The following FSTL4 variants were observed in gnomAD, a reference collection of about 807,000 sequenced individuals.
The protein encoded by FSTL4 is follistatin like 4.
FSTL4 carries 28 observed loss-of-function variants against 78.2 expected under a neutral mutation model. That is an observed-to-expected ratio of 0.36 (90% CI 0.27 to 0.49). The LOEUF (loss-of-function observed/expected upper bound fraction) is 0.49. Among genes scored for constraint, FSTL4 ranks in the 20% least tolerant of loss-of-function variants. The pLI is 0.98. For missense variants in FSTL4, 922 were observed against 1,084.9 expected (o/e 0.85, Z 2.11); for synonymous variants, 422 against 440.5 (o/e 0.96, Z 0.53).
chr5:133,787,989 T>C, the FSTL4 span, among the ~76,000 whole-genome samples: 1 of 152,234 alleles, frequency 6.6e-6, no homozygotes, highest in South Asian at 2.1e-4. Context: ...CGTGAATGAC[T>C]GAGAGTCACT....
At chr5:133,552,426 C>T (rs997374358) in intron 3 of FSTL4, among the ~76,000 whole-genome samples, 2 of 152,194 alleles carry the variant, frequency 1.3e-5, no homozygotes, top group Admixed American at 1.3e-4. Context: ...GACACGGCTG[C>T]TCTCACCCAA....
At chr5:133,717,473 T>A in the FSTL4 span, among the ~76,000 whole-genome samples, 2 of 152,214 alleles carry the variant, frequency 1.3e-5, no homozygotes, top group African/African-American at 2.4e-5. Context: ...TTAAGCATAA[T>A]GTTGATGCAT....
chr5:133,229,937 C>T (rs1349955013), intron 8 of FSTL4, among the ~76,000 whole-genome samples: 1 of 152,174 alleles, frequency 6.6e-6, no homozygotes, highest in African/African-American at 2.4e-5. Context: ...CCAGAGGGAG[C>T]TTTGGGAGCA....
the FSTL4 span, among the ~76,000 whole-genome samples, chr5:133,723,427 G>A: frequency 6.6e-6 from 1 of 152,194 alleles, no homozygotes; most frequent in Non-Finnish European, 1.5e-5. Context: ...GTACCACACA[G>A]TGGTGACTCT....
intron 6 of FSTL4, among the ~76,000 whole-genome samples, chr5:133,272,931 T>G (rs756061665): frequency 3.9e-5 from 6 of 152,250 alleles, no homozygotes; most frequent in Non-Finnish European, 8.8e-5. Flanking sequence ...CTGATAATAT[T>G]TGTCATAGAA....
At chr5:133,245,826 A>G (rs952037912) in intron 7 of FSTL4, among the ~76,000 whole-genome samples, 5 of 152,148 alleles carry the variant, frequency 3.3e-5, no homozygotes, top group Non-Finnish European at 5.9e-5. Context: ...AGAGGGGTAC[A>G]TTTACTTTCT....
At chr5:133,292,167 A>C (rs1270870354) in intron 6 of FSTL4, among the ~76,000 whole-genome samples, 1 of 152,182 alleles carries the variant, frequency 6.6e-6, no homozygotes, top group Non-Finnish European at 1.5e-5. Context: ...TCAACTCGCC[A>C]GTTCTTTCTC....
chr5:133,533,286 C>T (rs753745654), intron 3 of FSTL4, among the ~76,000 whole-genome samples: 12 of 152,122 alleles, frequency 7.9e-5, no homozygotes, highest in African/African-American at 2.7e-4. Flanking sequence ...CTCTGCTGTC[C>T]GGGCTGGAGT....
At chr5:133,466,764 T>C (rs895838136) in intron 3 of FSTL4, among the ~76,000 whole-genome samples, 2 of 152,192 alleles carry the variant, frequency 1.3e-5, no homozygotes, top group South Asian at 2.1e-4. Flanking sequence ...GACAAATGGA[T>C]GCAAGACAGT....
At chr5:133,707,273 G>A in the FSTL4 span, among the ~76,000 whole-genome samples, 8 of 152,232 alleles carry the variant, frequency 5.3e-5, no homozygotes, top group Admixed American at 6.5e-5. Flanking sequence ...CAAGCTCCAC[G>A]GCCTCTGGAC....
At chr5:133,288,162 T>A (rs755480864) in intron 6 of FSTL4, among the ~76,000 whole-genome samples, 1 of 152,252 alleles carries the variant, frequency 6.6e-6, no homozygotes, top group East Asian at 1.9e-4. Context: ...AAAAAATGAT[T>A]AATGTATTTT....
At chr5:133,289,553 A>T (rs1034290237) in intron 6 of FSTL4, among the ~76,000 whole-genome samples, 1 of 152,182 alleles carries the variant, frequency 6.6e-6, no homozygotes, top group Middle Eastern at 3.2e-3. Flanking sequence ...TGAATGAATG[A>T]CTGCATGTGT....
Position 133,400,901 on chromosome 5 carries a change from T to G in FSTL4, c.246A>C (p.Thr82=), listed in dbSNP as rs2126971278. 6.2e-7 allele frequency: 1 copy of G among 1,613,826 alleles called. No individual in the cohort carries two copies. The highest frequency in any genetic ancestry group is 2.2e-5 in the East Asian group (1 of 44,884). ...RGSRCVLSRK[T]GEPECQCLEA... is the part of the protein sequence containing the mutation. ...CCAGGCACTGGCATTCGGGCTCCCC[T>G]GTCTTCCTGCTGAGCACGCACCGGC... The change falls in exon 4 of 16, where the codon ACA becomes ACC. Residue 82 remains threonine (T), a synonymous_variant. Transcript: ENST00000265342.
At chr5:133,610,282 A>G (rs1761063592) in intron 1 of FSTL4, among the ~76,000 whole-genome samples, 1 of 152,238 alleles carries the variant, frequency 6.6e-6, no homozygotes, top group Non-Finnish European at 1.5e-5. Context: ...GAAGAAAAAG[A>G]GCTTTCCTAG....
At chr5:133,627,699 T>G in the FSTL4 span, among the ~76,000 whole-genome samples, 1 of 152,212 alleles carries the variant, frequency 6.6e-6, no homozygotes, top group Non-Finnish European at 1.5e-5. Flanking sequence ...TCTGAAAATC[T>G]CTTTTAATAG....
chr5:133,240,075 A>G (rs1387662154), intron 7 of FSTL4, among the ~76,000 whole-genome samples: 1 of 152,202 alleles, frequency 6.6e-6, no homozygotes, highest in Non-Finnish European at 1.5e-5. Context: ...CTTTAGGTTT[A>G]CACTGACTTT....
At chr5:133,807,018 TG>T in the FSTL4 span, among the ~76,000 whole-genome samples, 2 of 151,948 alleles carry the variant, frequency 1.3e-5, no homozygotes, top group Non-Finnish European at 2.9e-5. Flanking sequence ...CACGCCCACA[TG>T]CTATGAATAT....
At chr5:133,211,905 G>GAAAT (rs1750739397) in intron 13 of FSTL4, among the ~76,000 whole-genome samples, 1 of 152,148 alleles carries the variant, frequency 6.6e-6, no homozygotes, top group African/African-American at 2.4e-5. Context: ...CCACCCTGCT[G>GAAAT]AAATATATCT....
intron 3 of FSTL4, among the ~76,000 whole-genome samples, chr5:133,548,328 C>T (rs1270855679): frequency 6.6e-6 from 1 of 152,094 alleles, no homozygotes; most frequent in Non-Finnish European, 1.5e-5. Flanking sequence ...GAAGTGAGAG[C>T]AGTCTTATAG....
Sources: allele counts gnomAD v4.1 joint callset (sites outside exome capture counted in the v4.1 genomes callset), GRCh38; gene constraint gnomAD v4.1.1; transcripts MANE v1.5; gene names NCBI Gene and HGNC (gene_info 2026-07-23, HGNC 2026-07-21).